The following ADAM17 variants were observed in gnomAD, a reference collection of about 807,000 sequenced individuals.
ADAM17 encodes disintegrin and metalloproteinase domain-containing protein 17.
In ADAM17, 39 loss-of-function variants were observed where a neutral mutation model predicts 96.7. The observed-to-expected ratio is 0.40, with a 90% CI of 0.31 to 0.53. The LOEUF (loss-of-function observed/expected upper bound fraction) is 0.53, where lower values mean the gene tolerates loss of function less well. Among genes scored for constraint, ADAM17 ranks in the 20% least tolerant of loss-of-function variants. The pLI, the probability that ADAM17 is intolerant of heterozygous loss-of-function variation, is 0.44. For missense variants in ADAM17, 777 were observed against 1,013.2 expected, an observed-to-expected ratio of 0.77 and a Z score of 3.17; for synonymous variants, 344 against 359.2, an observed-to-expected ratio of 0.96 and a Z score of 0.48.
At chr2:9,521,410 G>T in intron 7 of ADAM17, 94 bp from the exon 8 acceptor site, 1 of 897,382 alleles carries the variant, frequency 1.1e-6, no homozygotes. Context: ...AAAAAGAATC[G>T]TTCTAGAAAA....
intron 14 of ADAM17, among the ~76,000 whole-genome samples, chr2:9,495,622 G>A (rs1234537701): frequency 2.0e-5 from 3 of 151,456 alleles, no homozygotes; most frequent in East Asian, 1.9e-4. Context: ...GCTGAGGCAC[G>A]AGAATCACTT....
chr2:9,509,965 C>G lies in ADAM17; in HGVS notation c.1344+14G>C. Reference sequence around the variant, plus strand: ...CTTTCCAAACCACATAAAAAATTCTCGACACACACATACCTTATTGTTCTC... The same window carrying G: ...CTTTCCAAACCACATAAAAAATTCTGGACACACACATACCTTATTGTTCTC... On this transcript the variant is annotated intron_variant, in intron 11 of 18. Transcript: ENST00000310823. 1.2e-6 allele frequency: 2 copies of G among 1,612,980 alleles called. No homozygotes were observed. The highest frequency in any genetic ancestry group is 8.5e-7 in the Non-Finnish European group (1 of 1,179,532).
At position 9,497,160 on chromosome 2, in the gene ADAM17, G is replaced by T; in HGVS notation, c.1737C>A (p.Ile579=). Residue 579 remains isoleucine, a synonymous_variant, in exon 14 of 19, where the codon ATC becomes ATA. Transcript: ENST00000310823. ...DLGKCKDGKC[I]PFCEREQQLE... ...GCTGCTGTTCCCTCTCGCAGAAAGG[G>T]ATGCATTTCCCATCCTTACACTTGC... The T allele has an allele frequency of 6.2e-7, 1 of 1,614,196 alleles. No individual in the cohort carries two copies. The highest frequency in any genetic ancestry group is 1.3e-5 in the African/African-American group (1 of 75,056).
intron 12 of ADAM17, among the ~76,000 whole-genome samples, chr2:9,503,349 T>C (rs1465356161): frequency 1.3e-5 from 2 of 152,086 alleles, no homozygotes; most frequent in Admixed American, 1.3e-4. Flanking sequence ...TCAGTGTATA[T>C]AAAAAATGAA....
intron 2 of ADAM17, among the ~76,000 whole-genome samples, chr2:9,541,348 A>C (rs1416263082): frequency 6.6e-6 from 1 of 152,194 alleles, no homozygotes; most frequent in Non-Finnish European, 1.5e-5. Flanking sequence ...GGATCACCTG[A>C]GGTCAGGAGT....
chr2:9,523,176 G>A (rs931905595), intron 7 of ADAM17, 73 bp downstream of exon 7: 1 of 1,151,748 alleles, frequency 8.7e-7, no homozygotes, highest in East Asian at 2.5e-5. Flanking sequence ...CAAGTTTTTA[G>A]GTTTTGAATA....
At chr2:9,506,334 C>CT (rs1663384807) in intron 11 of ADAM17, among the ~76,000 whole-genome samples, 1 of 130,220 alleles carries the variant, frequency 7.7e-6, no homozygotes, top group Non-Finnish European at 1.6e-5. Flanking sequence ...TACTAACTGG[C>CT]TTTTTAAAAA....
chr2:9,493,423 TAAAC>T (rs1046137172), intron 16 of ADAM17, among the ~76,000 whole-genome samples: 3 of 152,196 alleles, frequency 2.0e-5, no homozygotes, highest in Non-Finnish European at 2.9e-5. Context: ...TTCAGTCAAA[TAAAC>T]ACTCTTACAT....
chr2:9,500,407 G>A (rs1374767905), intron 13 of ADAM17, among the ~76,000 whole-genome samples: 1 of 152,226 alleles, frequency 6.6e-6, no homozygotes, highest in Non-Finnish European at 1.5e-5. Context: ...TGTGGGGAAT[G>A]GGGGGATTGG....
At chr2:9,523,413 G>A (rs1664390064) in intron 6 of ADAM17, 75 bp from the exon 7 acceptor site, 8 of 1,302,862 alleles carry the variant, frequency 6.1e-6, no homozygotes, top group Non-Finnish European at 8.6e-6. Context: ...TAAAATCTAT[G>A]GGGAAAGAAA....
At chr2:9,536,614 C>T in intron 3 of ADAM17, 84 bp downstream of exon 3, 1 of 1,568,710 alleles carries the variant, frequency 6.4e-7, no homozygotes, top group Admixed American at 1.8e-5. Flanking sequence ...CACTATCCTG[C>T]ACCAGAAAAG....
chr2:9,550,119 G>A (rs924076840), intron 1 of ADAM17, among the ~76,000 whole-genome samples: 4 of 152,170 alleles, frequency 2.6e-5, no homozygotes, highest in East Asian at 3.8e-4. Context: ...AGCAGGCCAC[G>A]TGTAGTAAGT....
intron 14 of ADAM17, among the ~76,000 whole-genome samples, chr2:9,495,869 T>TC (rs947152665): frequency 2.0e-5 from 3 of 151,632 alleles, no homozygotes; most frequent in African/African-American, 7.3e-5. Context: ...CCTTTTTTTT[T>TC]TTTTTTTTTA....
intron 4 of ADAM17, among the ~76,000 whole-genome samples, chr2:9,533,907 T>A (rs1664851276): frequency 6.6e-6 from 1 of 152,232 alleles, no homozygotes; most frequent in Admixed American, 6.5e-5. Flanking sequence ...TACTCAGCTA[T>A]GGGAGTTTAT....
chr2:9,546,111 A>T (rs930483338), intron 1 of ADAM17, among the ~76,000 whole-genome samples: 2 of 151,878 alleles, frequency 1.3e-5, no homozygotes, highest in African/African-American at 2.4e-5. Flanking sequence ...AAAAAAAAAA[A>T]AGAAAGAACA....
chr2:9,511,222 G>C (rs1663715773), intron 10 of ADAM17, among the ~76,000 whole-genome samples: 1 of 152,040 alleles, frequency 6.6e-6, no homozygotes, highest in African/African-American at 2.4e-5. Flanking sequence ...GCCAAGGTGG[G>C]TTGATCGCCT....
At chr2:9,536,579 T>C (rs945829138) in intron 3 of ADAM17, 119 bp downstream of exon 3, 102 of 1,351,020 alleles carry the variant, frequency 7.5e-5, no homozygotes, top group South Asian at 5.8e-4. Flanking sequence ...AGTCAAAGAA[T>C]AGCACTTCTA....
At chr2:9,553,240 T>C (rs116262534) in intron 1 of ADAM17, among the ~76,000 whole-genome samples, 151 of 152,294 alleles carry the variant, frequency 9.9e-4, no homozygotes, top group Middle Eastern at 6.8e-3. Flanking sequence ...TCTAGCACTC[T>C]CCTCTATGCT....
At position 9,505,293 on chromosome 2, in the gene ADAM17, G is replaced by A. The variant is rs750951308; in HGVS notation, c.1417C>T (p.Arg473Cys). The A allele has an allele frequency of 8.1e-6, 13 of 1,613,928 alleles. No homozygotes were observed. Among genetic ancestry groups the A allele is most frequent in the Non-Finnish European group, 1.0e-5 (12 of 1,180,022 alleles). Residue 473 changes from arginine (R) to cysteine (C), a missense_variant, in exon 12 of 19, where the codon CGC becomes TGC. By Grantham distance (180) the Arg-to-Cys change is radical (BLOSUM62 -3). Coordinates refer to ENST00000310823, the MANE Select transcript of ADAM17 (RefSeq NM_003183.6). ...GAGTTCCCACAAACTTTATTGCTGC[G>A]TTCTTGAAAACACTCCTGGGCCTTA... ...ESKAQECFQE[R>C]SNKVCGNSRV...
Sources: allele counts gnomAD v4.1 joint callset (sites outside exome capture counted in the v4.1 genomes callset), GRCh38; gene constraint gnomAD v4.1.1; transcripts MANE v1.5; gene names NCBI Gene and HGNC (gene_info 2026-07-23, HGNC 2026-07-21).